Variants in ELMO3 observed in about 807,000 individuals in gnomAD.
The protein encoded by ELMO3 is engulfment and cell motility 3.
A neutral mutation model predicts 89.0 loss-of-function variants in ELMO3; 81 were observed. The observed-to-expected ratio is 0.91, with a 90% confidence interval of 0.76 to 1.09. The LOEUF is 1.09. ELMO3 is among the 50% of genes least tolerant of loss of function. The pLI is 0.00. For missense variants in ELMO3, 959 were observed against 972.8 expected (o/e 0.99, Z 0.19); for synonymous variants, 406 against 400.6 (o/e 1.01, Z -0.16).
Position 67,201,958 on chromosome 16 carries a change from C to T in ELMO3, c.1051-19C>T. The T allele has an allele frequency of 6.2e-7, 1 of 1,611,726 alleles. No individual in the cohort carries two copies. ...GCGGCCGTGGCCCTTCTTGAACTGC[C>T]TGTGCCCACTTCCCCCAGAACAGCA... On this transcript the variant is annotated intron_variant, in intron 11 of 19. Transcript: ENST00000393997.
chr16:67,201,739 C>T lies in ELMO3; in HGVS notation c.919-3C>T, dbSNP rs1309028658. 3 of 1,609,580 alleles carry T rather than the reference C, an allele frequency of 1.9e-6. No individual in the cohort carries two copies. Among genetic ancestry groups the T allele is most frequent in the Non-Finnish European group, 2.5e-6 (3 of 1,180,002 alleles). On this transcript the variant is annotated splice_region_variant and splice_polypyrimidine_tract_variant and intron_variant, in intron 10 of 19. Coordinates refer to ENST00000393997, the MANE Select transcript of ELMO3 (RefSeq NM_024712.5). ...CTCCCCCGCCACCCAACACTGACCC[C>T]AGGAGCAGCGGGAGCAGCTGCAGGT... is the stretch of plus-strand genomic sequence containing the variant.
chr16:67,201,821 C>T lies in ELMO3; in HGVS notation c.998C>T (p.Ala333Val), dbSNP rs776266737. 1.2e-6 allele frequency: 2 copies of T among 1,611,846 alleles called. No individual in the cohort carries two copies. Among genetic ancestry groups the T allele is most frequent in the Non-Finnish European group, 1.7e-6 (2 of 1,179,912 alleles). ...GAGTCCTCGGGTGCCGGGCTAAGTG[C>T]TGACCGTCGCCGTTCCCTCTGTGCC... ...EGESSGAGLS[A>V]DRRRSLCARE... Residue 333 changes from alanine to valine, a missense_variant, in exon 11 of 20, where the codon GCT (alanine) becomes GTT (valine). Transcript: ENST00000393997.
At position 67,203,491 on chromosome 16, in the gene ELMO3, C is replaced by T. The variant is rs1418449383; in HGVS notation, c.1864-6C>T. 1.3e-6 allele frequency: 2 copies of T among 1,557,576 alleles called. No homozygotes were observed. The highest frequency in any genetic ancestry group is 1.4e-5 in the African/African-American group (1 of 73,590). ...GCTCAGTGTCCCCGCTCCCTTGCTT[C>T]CCCAGGACCTCTATGAGTTGGCCTT... On this transcript the variant is annotated splice_polypyrimidine_tract_variant and splice_region_variant and intron_variant, in intron 18 of 19. Coordinates refer to ENST00000393997, the MANE Select transcript of ELMO3 (RefSeq NM_024712.5). This position sits in a 1 kb window ranked among gnomAD's most constrained non-coding sequence, Gnocchi z 4.6.
intron 15 of ELMO3, 43 bp downstream of exon 15, chr16:67,202,833 C>T (rs755753629): frequency 9.3e-6 from 15 of 1,611,644 alleles, no homozygotes; most frequent in Middle Eastern, 3.3e-4. Context: ...CCCTACCTTC[C>T]TTGGTGCCCC....
chr16:67,203,009 C>T lies in ELMO3; in HGVS notation c.1675+5C>T. 6.2e-7 allele frequency: 1 copy of T among 1,604,916 alleles called. No individual in the cohort carries two copies. The highest frequency in any genetic ancestry group is 8.5e-7 in the Non-Finnish European group (1 of 1,179,536). On this transcript the variant is annotated splice_donor_5th_base_variant and intron_variant, in intron 16 of 19. Coordinates refer to ENST00000393997, the MANE Select transcript of ELMO3 (RefSeq NM_024712.5). The surrounding 1 kb of genome is among the most constrained non-coding windows in gnomAD (Gnocchi z 4.6). ...TCAGCAGCCGGCGGCGCCAGGGTCTCTGAATGGGCATGGGCAGGGGGCAGA... is the reference window on the plus strand; with the variant it reads ...TCAGCAGCCGGCGGCGCCAGGGTCTTTGAATGGGCATGGGCAGGGGGCAGA...
At chr16:67,201,317 A>G in intron 8 of ELMO3, 68 bp from the exon 9 acceptor site, 13 of 1,600,312 alleles carry the variant, frequency 8.1e-6, no homozygotes, top group Non-Finnish European at 1.1e-5. Context: ...TTGGCCTCCC[A>G]AAGTGCTGGG....
Position 67,201,791 on chromosome 16 carries a change from AG to A in ELMO3, c.973del (p.Glu325SerfsTer7). 1.2e-6 allele frequency: 2 copies of A among 1,611,900 alleles called. No individual in the cohort carries two copies. ...CTACGCCAGGCTGCCTTCGAGGTGGAGGGGGAGTCCTCGGGTGCCGGGCTAA... is the reference window on the plus strand; with the variant it reads ...CTACGCCAGGCTGCCTTCGAGGTGGAGGGGAGTCCTCGGGTGCCGGGCTAA... ...QVLRQAAFEV[E>X]GESSGAGLSA... On this transcript the variant is annotated frameshift_variant, in exon 11 of 20. Transcript: ENST00000393997. LOFTEE classifies it high-confidence loss of function.
At chr16:67,201,000 GCACC>G (rs774996761) in intron 8 of ELMO3, 32 bp downstream of exon 8, 3 of 1,572,420 alleles carry the variant, frequency 1.9e-6, no homozygotes, top group East Asian at 2.2e-5. Context: ...GATGGGGGCA[GCACC>G]CGGTGGGCGC....
rs753801668 is a variant in ELMO3 at position 67,199,737 on chromosome 16, G to A, written c.173G>A (p.Arg58Gln). 12 of 1,611,166 alleles carry A rather than the reference G, an allele frequency of 7.4e-6. No individual in the cohort carries two copies. The highest frequency in any genetic ancestry group is 1.1e-5 in the South Asian group (1 of 90,916). The change falls in exon 3 of 20, where the codon CGG becomes CAG. Residue 58 changes from arginine to glutamine, a missense_variant. Transcript: ENST00000393997. Reference protein sequence around the residue: ...RYALQFADGHRRYITENNRAE... With the variant: ...RYALQFADGHQRYITENNRAE... ...GCCCTGCAGTTTGCGGATGGGCACC[G>A]GAGATACATCACCGAGAATGTGAGT...
rs549968761 is a variant in ELMO3 at position 67,203,662 on chromosome 16, C to T, written c.1951-3C>T. The T allele has an allele frequency of 1.9e-6, 3 of 1,613,722 alleles. No individual in the cohort carries two copies. Among genetic ancestry groups the T allele is most frequent in the African/African-American group, 2.7e-5 (2 of 75,060 alleles). On this transcript the variant is annotated splice_polypyrimidine_tract_variant and splice_region_variant and intron_variant, in intron 19 of 19. Transcript: ENST00000393997. This position sits in a 1 kb window ranked among gnomAD's most constrained non-coding sequence, Gnocchi z 4.6. ...GACCCTCACGGCTCTGTGCCACCCC[C>T]AGTTCTACCTGTGGACAGATGGGCT...
In ELMO3 at chr16:67,200,913, A is replaced by AG; in HGVS notation, c.691dup (p.Ala231GlyfsTer22). 6.2e-7 allele frequency: 1 copy of AG among 1,613,532 alleles called. No individual in the cohort carries two copies. ...AGGATGAACCAGCAGCTGCAAACCA[A>AG]GGCCATGGCCCTGCTGACAGCCTTG... On this transcript the variant is annotated frameshift_variant, in exon 8 of 20. Coordinates refer to ENST00000393997, the MANE Select transcript of ELMO3 (RefSeq NM_024712.5). LOFTEE classifies it high-confidence loss of function.
In ELMO3 at chr16:67,200,478, G is replaced by A; in HGVS notation, c.441G>A (p.Leu147=). ...DDLGEVLALS[L]RAFSELMEHG... ...TAGGAGAGGTGCTGGCCCTCAGCCT[G>A]AGGGCCTTCTCAGAGCTCATGGAGC... is the stretch of plus-strand genomic sequence containing the variant. The change falls in exon 6 of 20, where the codon CTG becomes CTA. Residue 147 remains leucine (L), a synonymous_variant. Coordinates refer to ENST00000393997, the MANE Select transcript of ELMO3 (RefSeq NM_024712.5). 3 of 1,613,540 alleles carry A rather than the reference G, an allele frequency of 1.9e-6. No homozygotes were observed. Among genetic ancestry groups the A allele is most frequent in the South Asian group, 1.1e-5 (1 of 91,078 alleles).
At chr16:67,200,421 C>G in intron 5 of ELMO3, 30 bp from the exon 6 acceptor site, 1 of 1,611,238 alleles carries the variant, frequency 6.2e-7, no homozygotes, top group Non-Finnish European at 8.5e-7. Context: ...CTGGGGTGGT[C>G]CTGCTCAGCC....
chr16:67,203,474 T>A lies in ELMO3; in HGVS notation c.1864-23T>A. The stretch of plus-strand genomic sequence containing the variant: ...CGCCTACCCTGTCCCCTGCTCAGTG[T>A]CCCCGCTCCCTTGCTTCCCCAGGAC... On this transcript the variant is annotated intron_variant, in intron 18 of 19. Transcript: ENST00000393997. This position sits in a 1 kb window ranked among gnomAD's most constrained non-coding sequence, Gnocchi z 4.6. 2 of 1,612,318 alleles carry A rather than the reference T, an allele frequency of 1.2e-6. No homozygotes were observed. Among genetic ancestry groups the A allele is most frequent in the Non-Finnish European group, 1.7e-6 (2 of 1,178,808 alleles).
chr16:67,199,717 G>C lies in ELMO3; in HGVS notation c.153G>C (p.Leu51=), dbSNP rs751981854. The part of the protein sequence containing the change: ...WSLTHSERYA[L]QFADGHRRYI... ...TGACGCACTCTGAGCGTTACGCCCT[G>C]CAGTTTGCGGATGGGCACCGGAGAT... The change falls in exon 3 of 20, where the codon CTG becomes CTC. Residue 51 remains leucine, a synonymous_variant. Coordinates refer to ENST00000393997, the MANE Select transcript of ELMO3 (RefSeq NM_024712.5). 6.2e-7 allele frequency: 1 copy of C among 1,611,138 alleles called. No homozygotes were observed.
rs1192762475 is a variant in ELMO3, at chr16:67,200,230, TA to T, written c.284del (p.Asn95ThrfsTer10). On this transcript the variant is annotated frameshift_variant, in exon 5 of 20. Coordinates refer to ENST00000393997, the MANE Select transcript of ELMO3 (RefSeq NM_024712.5). LOFTEE classifies it high-confidence loss of function. The part of the protein sequence containing the change: ...AEQLLGGLQS[N>X]SPEGRREALR... ...AGCAGCTCTTGGGTGGGCTGCAGAGTAACAGTCCTGAAGGGCGCCGGGAAGC... is the reference window on the plus strand; with the variant it reads ...AGCAGCTCTTGGGTGGGCTGCAGAGTACAGTCCTGAAGGGCGCCGGGAAGC... 17 of 1,613,412 alleles carry T rather than the reference TA, an allele frequency of 1.1e-5. No homozygotes were observed. Among genetic ancestry groups the T allele is most frequent in the African/African-American group, 1.3e-5 (1 of 74,884 alleles).
Position 67,200,476 on chromosome 16 carries a change from C to T in ELMO3, c.439C>T (p.Leu147=), listed in dbSNP as rs761708248. The T allele has an allele frequency of 6.2e-6, 10 of 1,613,376 alleles. No homozygotes were observed. In the East Asian group the frequency reaches 1.8e-4, roughly 29 times the overall value. The change falls in exon 6 of 20, where the codon CTG becomes TTG. Residue 147 remains leucine (L), a synonymous_variant. Transcript: ENST00000393997. Reference sequence around the variant, plus strand: ...CCTAGGAGAGGTGCTGGCCCTCAGCCTGAGGGCCTTCTCAGAGCTCATGGA... The same window carrying T: ...CCTAGGAGAGGTGCTGGCCCTCAGCTTGAGGGCCTTCTCAGAGCTCATGGA... ...DDLGEVLALS[L]RAFSELMEHG...
At position 67,200,010 on chromosome 16, in the gene ELMO3, C is replaced by T. The variant is rs2033061359; in HGVS notation, c.243+9C>T. 4 of 1,613,372 alleles carry T rather than the reference C, an allele frequency of 2.5e-6. No homozygotes were observed. The highest frequency in any genetic ancestry group is 2.2e-5 in the East Asian group (1 of 44,882). On this transcript the variant is annotated intron_variant, in intron 4 of 19. Transcript: ENST00000393997. ...GCCTCAGCACGGCCCCAGTAATGCC[C>T]CTCCCGTCCCGCCTTCCCCATCCCT...
chr16:67,199,374 C>T lies in ELMO3; in HGVS notation c.48C>T (p.Asp16=). The change falls in exon 1 of 20, where the codon GAC becomes GAT. Residue 16 remains aspartate (D), a synonymous_variant. Coordinates refer to ENST00000393997, the MANE Select transcript of ELMO3 (RefSeq NM_024712.5). The part of the protein sequence containing the change: ...NVVKIAIKMR[D]AIPQLIQLDQ... Reference sequence around the variant, plus strand: ...TGAAGATTGCCATCAAGATGCGTGACGCCATCCCGCAGCTCATCCAGCTGG... The same window carrying T: ...TGAAGATTGCCATCAAGATGCGTGATGCCATCCCGCAGCTCATCCAGCTGG... 1 of 1,608,550 alleles carries T rather than the reference C, an allele frequency of 6.2e-7. No individual in the cohort carries two copies. The highest frequency in any genetic ancestry group is 8.5e-7 in the Non-Finnish European group (1 of 1,179,132).
Sources: allele counts gnomAD v4.1 joint callset, GRCh38; gene constraint gnomAD v4.1.1; non-coding constraint Gnocchi (gnomAD v3.1); transcripts MANE v1.5; gene names NCBI Gene and HGNC (gene_info 2026-07-23, HGNC 2026-07-21).